VWA2: variants seen among roughly 807,000 people sequenced by gnomAD.
VWA2 encodes von Willebrand factor A domain-containing protein 2.
Under a neutral mutation model 70.4 loss-of-function variants are expected in VWA2, and 73 were observed. The observed-to-expected ratio is 1.04, with a 90% CI of 0.86 to 1.26. The LOEUF is 1.26. Ranked by LOEUF, VWA2 falls within the 50% of genes most tolerant of loss-of-function variation. The pLI, the probability that VWA2 is intolerant of heterozygous loss-of-function variation, is 0.00. For synonymous variants in VWA2, 407 were observed against 423.3 expected (o/e 0.96, Z 0.47); for missense variants, 1,011 against 998.5 (o/e 1.01, Z -0.17).
At position 114,239,273 on chromosome 10, in the gene VWA2, C is replaced by G. The variant is rs1233130409; in HGVS notation, c.-307C>G. 6 of 152,340 alleles carry G rather than the reference C, an allele frequency of 3.9e-5. No individual in the cohort carries two copies. The highest frequency in any genetic ancestry group is 8.8e-5 in the Non-Finnish European group (6 of 68,050). The allele number at this position is 152,340 out of a possible 1,614,324, so 9.4% of individuals were successfully genotyped here. On this transcript the variant is annotated 5_prime_UTR_variant, in exon 1 of 14. Transcript: ENST00000392982. ...GACGGCACAGTGTTCGCGGCTGCAC[C>G]GCTCGGAGGCTGGGTGACCCGCGTA...
intron 1 of VWA2, among the ~76,000 whole-genome samples, chr10:114,243,321 A>G (rs192506259): frequency 3.9e-5 from 6 of 152,184 alleles, no homozygotes; most frequent in South Asian, 2.1e-4. Flanking sequence ...AAAATTTACT[A>G]ATTATTTTAG....
chr10:114,252,530 TCC>T (rs1217346287), intron 2 of VWA2, among the ~76,000 whole-genome samples: 1 of 152,198 alleles, frequency 6.6e-6, no homozygotes, highest in East Asian at 1.9e-4. Context: ...TTGGTGTCAC[TCC>T]CCCAGACTGA....
intron 2 of VWA2, among the ~76,000 whole-genome samples, chr10:114,248,988 C>T (rs1226195243): frequency 2.0e-5 from 3 of 152,086 alleles, no homozygotes; most frequent in Non-Finnish European, 4.4e-5. Context: ...CCAACCCATT[C>T]TCCATGCAGT....
chr10:114,242,113 G>C (rs1452964892), intron 1 of VWA2, among the ~76,000 whole-genome samples: 1 of 152,046 alleles, frequency 6.6e-6, no homozygotes, highest in African/African-American at 2.4e-5. Context: ...GACTTTCCTT[G>C]AATGTGATTA....
rs2039767683 is a variant in VWA2 at position 114,293,266 on chromosome 10, C to CA, written c.*2030dup. Reference sequence around the variant, plus strand: ...CGGGGCAGGATCACATGCTCCCTAGCAGATGCTGATCAGTGATGTCATAGA... The same window carrying CA: ...CGGGGCAGGATCACATGCTCCCTAGCAAGATGCTGATCAGTGATGTCATAGA... On this transcript the variant is annotated 3_prime_UTR_variant, in exon 14 of 14. Transcript: ENST00000392982. Among the ~76,000 whole-genome samples the CA allele has an allele frequency of 6.6e-6, 1 of 152,210 alleles. No individual in the cohort carries two copies. The highest frequency in any genetic ancestry group is 1.5e-5 in the Non-Finnish European group (1 of 68,044).
chr10:114,244,077 T>A (rs1296745955), intron 1 of VWA2, among the ~76,000 whole-genome samples: 2 of 152,234 alleles, frequency 1.3e-5, no homozygotes, highest in African/African-American at 4.8e-5. Context: ...ATGGGTGGTC[T>A]GTTCCAGCCC....
rs774275977 is a variant in VWA2, at chr10:114,289,462, G to T, written c.2095G>T (p.Asp699Tyr). ...AAYADLRYHQ[D>Y]VLIEWLCGEA... ...TTACGCCGACCTGCGGTACCACCAG[G>T]ACGTGCTCATTGAGTGGCTGTGTGG... Residue 699 changes from aspartate (D) to tyrosine (Y), a missense_variant, in exon 12 of 14, where the codon GAC (aspartate) becomes TAC (tyrosine). Coordinates refer to ENST00000392982, the MANE Select transcript of VWA2 (RefSeq NM_001272046.2). 8 of 1,614,084 alleles carry T rather than the reference G, an allele frequency of 5.0e-6. No individual in the cohort carries two copies. Among genetic ancestry groups the T allele is most frequent in the Non-Finnish European group, 5.9e-6 (7 of 1,180,042 alleles).
At chr10:114,251,944 C>T (rs1230351767) in intron 2 of VWA2, among the ~76,000 whole-genome samples, 5 of 151,450 alleles carry the variant, frequency 3.3e-5, no homozygotes, top group African/African-American at 1.2e-4. Context: ...GCCTCAGCCT[C>T]GAAAGTAGCC....
rs1239004863 is a variant in VWA2, at chr10:114,282,572, GTA to G, written c.889+3_889+4del. 4 of 1,613,876 alleles carry G rather than the reference GTA, an allele frequency of 2.5e-6. No homozygotes were observed. In the South Asian group the frequency reaches 4.4e-5, roughly 18 times the overall value. ...ACCTGCTACAGGACCACCTGCCCAGGTATGGTCTGTCTCTTGGATTTACAGGT... is the reference window on the plus strand; with the variant it reads ...ACCTGCTACAGGACCACCTGCCCAGGTGGTCTGTCTCTTGGATTTACAGGT... On this transcript the variant is annotated splice_donor_variant and splice_donor_region_variant and intron_variant, in intron 9 of 13. Coordinates refer to ENST00000392982, the MANE Select transcript of VWA2 (RefSeq NM_001272046.2). LOFTEE classifies it high-confidence loss of function.
intron 6 of VWA2, among the ~76,000 whole-genome samples, chr10:114,273,678 C>T (rs925288747): frequency 6.6e-6 from 1 of 152,206 alleles, no homozygotes; most frequent in South Asian, 2.1e-4. Flanking sequence ...TGTGTTTGCA[C>T]ACAGAAATCT....
intron 5 of VWA2, among the ~76,000 whole-genome samples, chr10:114,271,928 G>A (rs1042764877): frequency 6.6e-6 from 1 of 152,192 alleles, no homozygotes; most frequent in Admixed American, 6.5e-5. Context: ...GCTGCAACAG[G>A]GACTGACTCA....
Position 114,254,962 on chromosome 10 carries a change from T to C in VWA2, c.175T>C (p.Ser59Pro). The C allele has an allele frequency of 6.2e-7, 1 of 1,613,408 alleles. No individual in the cohort carries two copies. The highest frequency in any genetic ancestry group is 1.1e-5 in the South Asian group (1 of 91,078). Residue 59 changes from serine to proline, a missense_variant, in exon 4 of 14, where the codon TCT becomes CCT. Physicochemically the swap from Ser to Pro is moderately conservative, Grantham distance 74. Transcript: ENST00000392982. Reference sequence around the variant, plus strand: ...GGACATCATGTTTCTGTTAGATGGGTCTAACAGCGTCGGGAAAGGGAGCTT... The same window carrying C: ...GGACATCATGTTTCTGTTAGATGGGCCTAACAGCGTCGGGAAAGGGAGCTT... ...AVDIMFLLDG[S>P]NSVGKGSFER...
rs1056101793 is a variant in VWA2 at position 114,292,824 on chromosome 10, G to A, written c.*1587G>A. The stretch of plus-strand genomic sequence containing the variant: ...AGGTTGAAGTGATTCTCATGCCTCA[G>A]CCTCTTGAGTAGCTGGGATTAGAGG... On this transcript the variant is annotated 3_prime_UTR_variant, in exon 14 of 14. Transcript: ENST00000392982. Among the ~76,000 whole-genome samples, 1 of 151,950 alleles carries A rather than the reference G, an allele frequency of 6.6e-6. No homozygotes were observed. Among genetic ancestry groups the A allele is most frequent in the African/African-American group, 2.4e-5 (1 of 41,362 alleles).
In VWA2 at chr10:114,291,578, T is replaced by C. The variant is rs2039602677; in HGVS notation, c.*341T>C. ...TCCCTTGAGGATAAACAAGGGGTCC[T>C]GAAGACTTAAATTTAGCGGCCTGAC... On this transcript the variant is annotated 3_prime_UTR_variant, in exon 14 of 14. Transcript: ENST00000392982. 1 of 274,400 alleles carries C rather than the reference T, an allele frequency of 3.6e-6. No homozygotes were observed. Among genetic ancestry groups the C allele is most frequent in the Non-Finnish European group, 6.9e-6 (1 of 145,266 alleles). The allele number at this position is 274,400 out of a possible 1,614,324, so 17.0% of individuals were successfully genotyped here.
At chr10:114,246,505 CAA>C (rs570510812) in intron 1 of VWA2, 9,234 of 378,438 alleles carry the variant, frequency 0.024, no homozygotes, top group Middle Eastern at 0.032. Flanking sequence ...AACTCCATCT[CAA>C]AAAAAAAAAA....
chr10:114,251,550 T>G (rs1185818863), intron 2 of VWA2, among the ~76,000 whole-genome samples: 1 of 152,214 alleles, frequency 6.6e-6, no homozygotes, highest in African/African-American at 2.4e-5. Flanking sequence ...CTGTTCTTTT[T>G]GGGGTCTTTA....
Position 114,289,068 on chromosome 10 carries a change from G to GT in VWA2, c.1701_1702insT (p.Thr568TyrfsTer32). 6.2e-7 allele frequency: 1 copy of GT among 1,614,206 alleles called. No individual in the cohort carries two copies. Among genetic ancestry groups the GT allele is most frequent in the Non-Finnish European group, 8.5e-7 (1 of 1,180,042 alleles). The stretch of plus-strand genomic sequence containing the variant: ...TCCAGTTTGAGGTGAACCCTGACGT[G>GT]ACACAGGTCGGCCTGGTGGTGTATG... On this transcript the variant is annotated frameshift_variant, in exon 12 of 14. Transcript: ENST00000392982. LOFTEE classifies it high-confidence loss of function.
intron 6 of VWA2, among the ~76,000 whole-genome samples, 195 bp downstream of exon 6, chr10:114,273,129 T>G (rs530171996): frequency 1.3e-5 from 2 of 152,344 alleles, no homozygotes; most frequent in East Asian, 3.9e-4. Flanking sequence ...GCATTGATTT[T>G]GGTTTTGTTT....
Position 114,254,967 on chromosome 10 carries a change from C to A in VWA2, c.180C>A (p.Asn60Lys). 1 of 1,613,452 alleles carries A rather than the reference C, an allele frequency of 6.2e-7. No homozygotes were observed. Among genetic ancestry groups the A allele is most frequent in the Non-Finnish European group, 8.5e-7 (1 of 1,179,972 alleles). Reference protein sequence around the residue: ...VDIMFLLDGSNSVGKGSFERS... With the variant: ...VDIMFLLDGSKSVGKGSFERS... The stretch of plus-strand genomic sequence containing the variant: ...TCATGTTTCTGTTAGATGGGTCTAA[C>A]AGCGTCGGGAAAGGGAGCTTTGAAA... The change falls in exon 4 of 14, where the codon AAC becomes AAA. Residue 60 changes from asparagine (N) to lysine (K), a missense_variant. Asn to Lys is a moderately conservative substitution (Grantham distance 94, BLOSUM62 0). Coordinates refer to ENST00000392982, the MANE Select transcript of VWA2 (RefSeq NM_001272046.2).
Sources: gnomAD v4.1 joint callset for allele counts (sites outside exome capture counted in the v4.1 genomes callset) on GRCh38, gnomAD v4.1.1 for gene constraint, MANE v1.5 for transcripts, NCBI Gene and HGNC (gene_info 2026-07-23, HGNC 2026-07-21) for gene names.